The following TRABD2B variants were observed in gnomAD, a reference collection of about 807,000 sequenced individuals.
TRABD2B encodes the protein TraB domain containing 2B.
In TRABD2B, 14 loss-of-function variants were observed where a neutral mutation model predicts 40.1. The observed-to-expected ratio is 0.35, with a 90% confidence interval of 0.23 to 0.55. The LOEUF (loss-of-function observed/expected upper bound fraction) is 0.55, where lower values mean the gene tolerates loss of function less well. TRABD2B is among the 20% of genes least tolerant of loss of function. TRABD2B has a pLI of 0.90. For synonymous variants in TRABD2B, 263 were observed against 277.0 expected, an observed-to-expected ratio of 0.95 and a Z score of 0.50; for missense variants, 541 against 648.6, an observed-to-expected ratio of 0.83 and a Z score of 1.80.
In TRABD2B at chr1:47,765,802, G is replaced by A. The variant is rs1000688914; in HGVS notation, c.*100C>T. ...AGCCAATCCCATGTGGACTGCCCTCGACGTGTTGGGCACCCCCTGGAGGTG... is the reference window on the plus strand; with the variant it reads ...AGCCAATCCCATGTGGACTGCCCTCAACGTGTTGGGCACCCCCTGGAGGTG... On this transcript the variant is annotated 3_prime_UTR_variant, in exon 7 of 7. Coordinates refer to ENST00000606738, the MANE Select transcript of TRABD2B (RefSeq NM_001194986.2). 10 of 701,980 alleles carry A rather than the reference G, an allele frequency of 1.4e-5. No homozygotes were observed. Among genetic ancestry groups the A allele is most frequent in the Middle Eastern group, 2.3e-4 (1 of 4,336 alleles). The allele number at this position is 701,980 out of a possible 1,614,324, so 43.5% of individuals were successfully genotyped here. A position where few individuals can be genotyped will look rare whatever the true frequency, so the allele number is the denominator to read the frequency against.
chr1:47,934,792 A>G (rs1261664434), intron 2 of TRABD2B, among the ~76,000 whole-genome samples: 1 of 152,120 alleles, frequency 6.6e-6, no homozygotes, highest in Non-Finnish European at 1.5e-5. Flanking sequence ...ATGTAACAGG[A>G]GGCATCTGGT....
intron 2 of TRABD2B, among the ~76,000 whole-genome samples, chr1:47,936,558 G>A (rs1397948400): frequency 6.6e-6 from 1 of 152,124 alleles, no homozygotes; most frequent in East Asian, 1.9e-4. Flanking sequence ...ACAGAGGAGT[G>A]CTGTACAGAC....
In TRABD2B at chr1:47,778,515, C is replaced by G. The variant is rs893325428; in HGVS notation, c.1018G>C (p.Asp340His). Reference protein sequence around the residue: ...GHFLGNNTVIDILRQAGLEVD... With the variant: ...GHFLGNNTVIHILRQAGLEVD... ...TCCAGCCCTGCCTGCCGCAGGATGTCGATGACTGTGTTGTTCCCCAGAAAG... is the reference window on the plus strand; with the variant it reads ...TCCAGCCCTGCCTGCCGCAGGATGTGGATGACTGTGTTGTTCCCCAGAAAG... The change falls in exon 5 of 7, where the codon GAC becomes CAC. Residue 340 changes from aspartate to histidine, a missense_variant. By Grantham distance (81) the Asp-to-His change is moderately conservative (BLOSUM62 -1). Transcript: ENST00000606738. The G allele has an allele frequency of 6.5e-7, 1 of 1,536,026 alleles. No individual in the cohort carries two copies. Among genetic ancestry groups the G allele is most frequent in the Non-Finnish European group, 8.7e-7 (1 of 1,146,910 alleles).
chr1:47,936,153 G>A (rs1002564626), intron 2 of TRABD2B, among the ~76,000 whole-genome samples: 50 of 152,300 alleles, frequency 3.3e-4, no homozygotes, highest in African/African-American at 1.2e-3. Context: ...CTTAGCAACA[G>A]ACTCAGCTGA....
At chr1:47,911,146 C>A (rs1397553661) in intron 2 of TRABD2B, among the ~76,000 whole-genome samples, 1 of 152,164 alleles carries the variant, frequency 6.6e-6, no homozygotes, top group African/African-American at 2.4e-5. Context: ...AGCCAGCCTA[C>A]CTTTAGATTG....
At chr1:47,772,910 C>T (rs950573740) in intron 6 of TRABD2B, among the ~76,000 whole-genome samples, 2 of 152,190 alleles carry the variant, frequency 1.3e-5, no homozygotes, top group African/African-American at 4.8e-5. Flanking sequence ...TAAAGTTAGC[C>T]AACTGCAATT....
intron 2 of TRABD2B, among the ~76,000 whole-genome samples, chr1:47,950,082 G>A (rs779212073): frequency 6.6e-6 from 1 of 152,066 alleles, no homozygotes; most frequent in African/African-American, 2.4e-5. Flanking sequence ...TCAGGAGATC[G>A]AGACCATCCT....
At chr1:47,820,730 C>T (rs1006500111) in intron 2 of TRABD2B, among the ~76,000 whole-genome samples, 1 of 151,088 alleles carries the variant, frequency 6.6e-6, no homozygotes, top group Non-Finnish European at 1.5e-5. Context: ...GTGGGAATAG[C>T]AACGTTAAGG....
At chr1:47,842,532 T>C (rs145521166) in intron 2 of TRABD2B, among the ~76,000 whole-genome samples, 1 of 152,228 alleles carries the variant, frequency 6.6e-6, no homozygotes, top group African/African-American at 2.4e-5. Context: ...CCAGGTGACA[T>C]GGTTTGGAAG....
rs147460453 is a variant in TRABD2B at position 47,911,097 on chromosome 1, G to A, written c.666+82937C>T. Among the ~76,000 whole-genome samples, 790 of 152,272 alleles carry A rather than the reference G, an allele frequency of 5.2e-3. 3 individuals are homozygous for A. The highest frequency in any genetic ancestry group is 7.6e-3 in the Non-Finnish European group (517 of 68,016). On this transcript the variant is annotated intron_variant, in intron 2 of 6. Transcript: ENST00000606738. ...TGGAGCAGAGCGCCAGCCCCAGCCA[G>A]GATTTTTACATGGGGGAAAATAGAA...
intron 2 of TRABD2B, among the ~76,000 whole-genome samples, chr1:47,899,447 T>C (rs762151295): frequency 3.3e-5 from 5 of 152,180 alleles, no homozygotes; most frequent in Non-Finnish European, 5.9e-5. Context: ...AACAAGGCCC[T>C]GCAAGGCCAC....
Position 47,761,182 on chromosome 1 carries a change from C to T in TRABD2B, c.*4720G>A, listed in dbSNP as rs1364932271. The T allele has an allele frequency of 6.6e-6, 1 of 152,426 alleles. No homozygotes were observed. The highest frequency in any genetic ancestry group is 1.5e-5 in the Non-Finnish European group (1 of 68,210). The allele number at this position is 152,426 out of a possible 1,614,324, so 9.4% of individuals were successfully genotyped here. A position where few individuals can be genotyped will look rare whatever the true frequency, so the allele number is the denominator to read the frequency against. On this transcript the variant is annotated 3_prime_UTR_variant, in exon 7 of 7. Coordinates refer to ENST00000606738, the MANE Select transcript of TRABD2B (RefSeq NM_001194986.2). ...AGGCTCAGAGAGGGACAGGAACTTGCCCAAGGTCATCCAGCAAAGTGAAGG... is the reference window on the plus strand; with the variant it reads ...AGGCTCAGAGAGGGACAGGAACTTGTCCAAGGTCATCCAGCAAAGTGAAGG...
At chr1:47,902,026 C>G (rs1019094415) in intron 2 of TRABD2B, among the ~76,000 whole-genome samples, 1 of 152,170 alleles carries the variant, frequency 6.6e-6, no homozygotes, top group African/African-American at 2.4e-5. Context: ...CTGCCCACTC[C>G]CCTAGTACAA....
intron 2 of TRABD2B, among the ~76,000 whole-genome samples, chr1:47,856,187 C>T (rs149751458): frequency 1.4e-3 from 209 of 152,330 alleles, no homozygotes; most frequent in African/African-American, 4.3e-3. Context: ...ACCATGTAAG[C>T]GGGGTCTGCG....
intron 2 of TRABD2B, among the ~76,000 whole-genome samples, chr1:47,947,132 C>T (rs1160378154): frequency 2.0e-5 from 3 of 152,170 alleles, no homozygotes; most frequent in Admixed American, 1.3e-4. Flanking sequence ...TCTAAAGTCA[C>T]ATTATTCTCA....
rs149385221 is a variant in TRABD2B at position 47,803,706 on chromosome 1, G to A, written c.667-2087C>T. On this transcript the variant is annotated intron_variant, in intron 2 of 6. Coordinates refer to ENST00000606738, the MANE Select transcript of TRABD2B (RefSeq NM_001194986.2). The stretch of plus-strand genomic sequence containing the variant: ...TTTAGCTACCAGCCTCCCACATTAG[G>A]CTATGAGCTCCTTCAAGACAGGAAT... Among the ~76,000 whole-genome samples, 8 of 152,334 alleles carry A rather than the reference G, an allele frequency of 5.3e-5. No homozygotes were observed. The East Asian group carries it at 1.5e-3, about 29-fold the overall frequency.
At chr1:47,938,645 T>C (rs1389276975) in intron 2 of TRABD2B, among the ~76,000 whole-genome samples, 2 of 152,074 alleles carry the variant, frequency 1.3e-5, no homozygotes, top group African/African-American at 4.8e-5. Context: ...GAATGGGAAA[T>C]GGAGAAGAGA....
chr1:47,905,399 C>G (rs1254617590), intron 2 of TRABD2B, among the ~76,000 whole-genome samples: 1 of 152,136 alleles, frequency 6.6e-6, no homozygotes, highest in African/African-American at 2.4e-5. Flanking sequence ...AGGGAAATGT[C>G]TGAAGGTTTC....
At chr1:47,870,857 A>C (rs910881612) in intron 2 of TRABD2B, among the ~76,000 whole-genome samples, 1 of 152,154 alleles carries the variant, frequency 6.6e-6, no homozygotes, top group Non-Finnish European at 1.5e-5. Context: ...CTTGAAGGAC[A>C]ATGGGATTGT....
Sources: allele counts gnomAD v4.1 joint callset (sites outside exome capture counted in the v4.1 genomes callset), GRCh38; gene constraint gnomAD v4.1.1; transcripts MANE v1.5; gene names NCBI Gene and HGNC (gene_info 2026-07-23, HGNC 2026-07-21).